PCDHA10: variants seen among roughly 807,000 people sequenced by gnomAD.
PCDHA10 encodes the protein protocadherin alpha-10.
PCDHA10 carries 45 observed loss-of-function variants against 61.2 expected under a neutral mutation model. The ratio of observed to expected loss-of-function variants is 0.74; its 90% CI spans 0.58 to 0.94. The LOEUF (loss-of-function observed/expected upper bound fraction) is 0.94, where lower values mean the gene tolerates loss of function less well. Among genes scored for constraint, PCDHA10 ranks in the 40% least tolerant of loss-of-function variants. The pLI, the probability that PCDHA10 is intolerant of heterozygous loss-of-function variation, is 0.00. For missense variants in PCDHA10, 1,278 were observed against 1,236.2 expected, an observed-to-expected ratio of 1.03 and a Z score of -0.51; for synonymous variants, 602 against 548.8, an observed-to-expected ratio of 1.10 and a Z score of -1.35.
chr5:140,863,074 A>G lies in PCDHA10; in HGVS notation c.2388+4638A>G, dbSNP rs142752367. ...GCACCCGTTCCACGTGGGGCTCTGC[A>G]CGGGCGAGATCAGCACGACGAGTAC... On this transcript the variant is annotated intron_variant, in intron 1 of 3. Transcript: ENST00000307360. The G allele has an allele frequency of 2.9e-3, 1,668 of 569,744 alleles. 11 individuals are homozygous for G. Among genetic ancestry groups the G allele is most frequent in the Middle Eastern group, 0.01 (34 of 3,390 alleles). The allele number at this position is 569,744 out of a possible 1,614,324, so 35.3% of individuals were successfully genotyped here.
chr5:141,002,141 A>G (rs1554258528), intron 3 of PCDHA10, among the ~76,000 whole-genome samples: 3 of 152,258 alleles, frequency 2.0e-5, no homozygotes, highest in Admixed American at 6.5e-5. Context: ...TGCCGGCTGC[A>G]CTGACTTAGC....
intron 1 of PCDHA10, chr5:140,927,919 C>G (rs782561454): frequency 6.2e-7 from 1 of 1,614,216 alleles, no homozygotes; most frequent in Non-Finnish European, 8.5e-7. Context: ...ACTGGACTTC[C>G]TGACTCTTTC....
In PCDHA10 at chr5:141,010,294, C is replaced by T. The variant is rs545906858; in HGVS notation, c.*357C>T. ...TCCTGTCTTGATGACACTTGCAGGG[C>T]AGGCTGAAAAGTTTTGAGATTGAGC... On this transcript the variant is annotated 3_prime_UTR_variant, in exon 4 of 4. Coordinates refer to ENST00000307360, the MANE Select transcript of PCDHA10 (RefSeq NM_018901.4). 3.2e-6 allele frequency: 5 copies of T among 1,549,782 alleles called. No homozygotes were observed. Among genetic ancestry groups the T allele is most frequent in the Non-Finnish European group, 4.4e-6 (5 of 1,146,446 alleles).
chr5:140,957,407 A>G lies in PCDHA10; in HGVS notation c.2389-21542A>G, dbSNP rs570373783. On this transcript the variant is annotated intron_variant, in intron 1 of 3. Coordinates refer to ENST00000307360, the MANE Select transcript of PCDHA10 (RefSeq NM_018901.4). ...GTTATAATTGTCCTAATTTATTATT[A>G]TTGTTGTTAATCTTTTACTGTGCCT... Among the ~76,000 whole-genome samples, 13 of 152,274 alleles carry G rather than the reference A, an allele frequency of 8.5e-5. No homozygotes were observed. The South Asian group carries it at 2.7e-3, about 32-fold the overall frequency.
chr5:140,882,605 C>T (rs1554174797), intron 1 of PCDHA10: 2 of 1,614,120 alleles, frequency 1.2e-6, no homozygotes, highest in Non-Finnish European at 1.7e-6. Context: ...CGTGGACAGG[C>T]CTCTGCAGGT....
At chr5:140,901,033 T>C (rs2153472378) in intron 1 of PCDHA10, among the ~76,000 whole-genome samples, 1 of 152,364 alleles carries the variant, frequency 6.6e-6, no homozygotes, top group South Asian at 2.1e-4. Flanking sequence ...TTCAACTCTT[T>C]TGCCCATTTT....
intron 1 of PCDHA10, chr5:140,930,511 C>G (rs2086907383): frequency 6.6e-6 from 1 of 152,616 alleles, no homozygotes; most frequent in African/African-American, 2.4e-5. Context: ...GCATGAGCCA[C>G]TGCAGCTGGC....
chr5:140,876,806 T>C (rs1554168956), intron 1 of PCDHA10: 2 of 1,613,976 alleles, frequency 1.2e-6, no homozygotes, highest in South Asian at 2.2e-5. Context: ...TCCGTGGAGG[T>C]GGCCGACGTG....
chr5:140,870,206 T>G (rs1554163904), intron 1 of PCDHA10: 2 of 1,614,182 alleles, frequency 1.2e-6, no homozygotes, highest in Admixed American at 3.3e-5. Flanking sequence ...AGCACGGTCA[T>G]TGCCCTGATC....
At chr5:140,985,712 A>G (rs1319708410) in intron 3 of PCDHA10, among the ~76,000 whole-genome samples, 2 of 148,826 alleles carry the variant, frequency 1.3e-5, no homozygotes, top group Non-Finnish European at 3.0e-5. Context: ...TGTTTCTTAA[A>G]GTTATTTTTC....
intron 1 of PCDHA10, among the ~76,000 whole-genome samples, chr5:140,890,513 C>T (rs1376774987): frequency 2.0e-5 from 3 of 151,948 alleles, no homozygotes; most frequent in Non-Finnish European, 4.4e-5. Flanking sequence ...GTCTCTATTT[C>T]CTTCCTTTGT....
intron 1 of PCDHA10, among the ~76,000 whole-genome samples, chr5:140,909,201 C>G (rs1379290108): frequency 6.6e-6 from 1 of 152,136 alleles, no homozygotes; most frequent in Non-Finnish European, 1.5e-5. Flanking sequence ...GACACAAAGC[C>G]GGAGAGTTGA....
At chr5:140,916,273 G>C (rs962847536) in intron 1 of PCDHA10, among the ~76,000 whole-genome samples, 7 of 152,176 alleles carry the variant, frequency 4.6e-5, no homozygotes, top group African/African-American at 1.7e-4. Flanking sequence ...CATGCTTGTT[G>C]CTCTACTCCA....
At chr5:140,899,423 G>A (rs2067323431) in intron 1 of PCDHA10, among the ~76,000 whole-genome samples, 1 of 152,134 alleles carries the variant, frequency 6.6e-6, no homozygotes. Context: ...TTTGTCAAAG[G>A]TCTTTTCTGC....
chr5:140,976,494 G>A (rs1247242198), intron 1 of PCDHA10, among the ~76,000 whole-genome samples: 1 of 151,942 alleles, frequency 6.6e-6, no homozygotes, highest in Non-Finnish European at 1.5e-5. Context: ...GAGGTTGCAG[G>A]GAGCCAAGAT....
chr5:140,980,110 A>G (rs2096876892), intron 2 of PCDHA10, among the ~76,000 whole-genome samples: 1 of 152,208 alleles, frequency 6.6e-6, no homozygotes, highest in Admixed American at 6.5e-5. Context: ...GTCACATTGG[A>G]ACCTGGGTCA....
At chr5:140,964,998 G>C (rs2095868277) in intron 1 of PCDHA10, among the ~76,000 whole-genome samples, 1 of 152,166 alleles carries the variant, frequency 6.6e-6, no homozygotes, top group Admixed American at 6.5e-5. Flanking sequence ...TTTGAATTCT[G>C]GGTGTCAGGA....
At chr5:140,876,581 C>A in intron 1 of PCDHA10, 2 of 1,614,200 alleles carry the variant, frequency 1.2e-6, no homozygotes, top group Non-Finnish European at 1.7e-6. Flanking sequence ...ACCGTCATTG[C>A]CCTGATTAGC....
Position 141,009,979 on chromosome 5 carries a change from T to C in PCDHA10, c.*42T>C. 2.5e-6 allele frequency: 4 copies of C among 1,583,392 alleles called. No individual in the cohort carries two copies. Among genetic ancestry groups the C allele is most frequent in the Non-Finnish European group, 3.4e-6 (4 of 1,168,152 alleles). On this transcript the variant is annotated 3_prime_UTR_variant, in exon 4 of 4. Coordinates refer to ENST00000307360, the MANE Select transcript of PCDHA10 (RefSeq NM_018901.4). The stretch of plus-strand genomic sequence containing the variant: ...CAAGCCACTTAGCCAGTTTTTGTAA[T>C]AATGGCAAATCTCTCCCATGTAGCA...
Sources: gnomAD v4.1 joint callset for allele counts (sites outside exome capture counted in the v4.1 genomes callset) on GRCh38, gnomAD v4.1.1 for gene constraint, MANE v1.5 for transcripts, NCBI Gene and HGNC (gene_info 2026-07-23, HGNC 2026-07-21) for gene names.